CHLSN: variants seen among roughly 807,000 people sequenced by gnomAD.
CHLSN encodes the protein cholesin.
the CHLSN span, among the ~76,000 whole-genome samples, chr7:1,100,141 A>G: frequency 2.6e-5 from 4 of 152,184 alleles, no homozygotes; most frequent in Admixed American, 2.6e-4. Context: ...AATGCTATAC[A>G]TGCCACTTGC....
chr7:1,091,689 A>G, the CHLSN span: 23 of 1,400,178 alleles, frequency 1.6e-5, no homozygotes, highest in South Asian at 2.9e-4. Flanking sequence ...GAGCTCTGGG[A>G]GCCTTTCGGC....
At chr7:1,054,667 C>T in the CHLSN span, among the ~76,000 whole-genome samples, 2 of 152,320 alleles carry the variant, frequency 1.3e-5, no homozygotes, top group African/African-American at 4.8e-5. Flanking sequence ...CTCTCTGACT[C>T]CCTGCAAGGA....
chr7:1,057,035 G>A, the CHLSN span, among the ~76,000 whole-genome samples: 4 of 152,150 alleles, frequency 2.6e-5, no homozygotes, highest in African/African-American at 4.8e-5. Flanking sequence ...CCAAGGCACC[G>A]GGTCCTGAGC....
the CHLSN span, chr7:1,026,722 G>A: frequency 2.0e-5 from 3 of 152,208 alleles, no homozygotes; most frequent in Admixed American, 6.5e-5. Context: ...CTCAGTTGCT[G>A]CCGCTCCAGC....
At chr7:1,088,426 C>A in the CHLSN span, 1 of 152,308 alleles carries the variant, frequency 6.6e-6, no homozygotes. This position sits in a 1 kb window ranked among gnomAD's most constrained non-coding sequence, Gnocchi z 4.5. Context: ...TGAACACAGA[C>A]CAGACACCTC....
the CHLSN span, among the ~76,000 whole-genome samples, chr7:1,060,865 T>C: frequency 1.3e-5 from 2 of 152,190 alleles, no homozygotes; most frequent in East Asian, 3.9e-4. Flanking sequence ...GCGGAAACCC[T>C]GGCATCCGAT....
chr7:1,135,183 C>T, the CHLSN span, among the ~76,000 whole-genome samples: 48 of 152,268 alleles, frequency 3.2e-4, no homozygotes, highest in African/African-American at 1.1e-3. Context: ...AGGCTTAGTG[C>T]TCAGCCTCCT....
chr7:1,073,408 G>GCTCCCGC, the CHLSN span, among the ~76,000 whole-genome samples: 1 of 152,110 alleles, frequency 6.6e-6, no homozygotes, highest in South Asian at 2.1e-4. Context: ...CCCCAGCTGA[G>GCTCCCGC]CTCCCGCCGC....
At chr7:1,119,343 G>A in the CHLSN span, among the ~76,000 whole-genome samples, 2 of 152,230 alleles carry the variant, frequency 1.3e-5, no homozygotes, top group African/African-American at 4.8e-5. Flanking sequence ...CCAGCACTTT[G>A]AGAGGCCAAG....
chr7:1,100,657 G>A, the CHLSN span, among the ~76,000 whole-genome samples: 3 of 152,116 alleles, frequency 2.0e-5, no homozygotes, highest in Admixed American at 6.5e-5. Context: ...CAGCTCTAGC[G>A]GAAACAAAGT....
chr7:1,086,723 C>G, the CHLSN span: 3 of 153,660 alleles, frequency 2.0e-5, no homozygotes, highest in African/African-American at 7.2e-5. Context: ...CCCCAGTCCT[C>G]TGCCTGCACC....
chr7:1,055,418 C>T, the CHLSN span: 14 of 468,400 alleles, frequency 3.0e-5, no homozygotes, highest in South Asian at 4.6e-5. Flanking sequence ...ACCTCTGTCC[C>T]GCCATGCTGC....
At chr7:1,105,759 C>T in the CHLSN span, among the ~76,000 whole-genome samples, 1 of 152,308 alleles carries the variant, frequency 6.6e-6, no homozygotes, top group Non-Finnish European at 1.5e-5. Context: ...AGATTACAGG[C>T]ACACGCCACG....
chr7:1,070,883 TGCACACACGTGCACACACATGCAC>T, the CHLSN span, among the ~76,000 whole-genome samples: 1 of 130,502 alleles, frequency 7.7e-6, no homozygotes, highest in African/African-American at 3.1e-5. Context: ...CACGTGCACA[TGCACACACGTGCACACACATGCAC>T]GCACACACAC....
the CHLSN span, among the ~76,000 whole-genome samples, chr7:1,036,964 A>T: frequency 6.8e-6 from 1 of 147,320 alleles, no homozygotes; most frequent in Admixed American, 6.8e-5. Flanking sequence ...AAAAAAAATT[A>T]GCCAGGCGTG....
chr7:1,002,371 T>C, the CHLSN span, among the ~76,000 whole-genome samples: 4 of 83,980 alleles, frequency 4.8e-5, no homozygotes, highest in Non-Finnish European at 6.9e-5. Context: ...GTGAATGGAG[T>C]CCTGTGGGTG....
At chr7:988,147 C>A in the CHLSN span, 2 of 1,161,824 alleles carry the variant, frequency 1.7e-6, no homozygotes, top group Non-Finnish European at 1.2e-6. Context: ...GGGTGCCTCA[C>A]CTGCAAGGTG....
At chr7:1,082,251 G>C in the CHLSN span, 6 of 152,268 alleles carry the variant, frequency 3.9e-5, no homozygotes, top group African/African-American at 1.4e-4. Context: ...ATCACTGTCG[G>C]GTGCAGGTGG....
chr7:1,135,903 A>G, the CHLSN span, among the ~76,000 whole-genome samples: 2 of 130,846 alleles, frequency 1.5e-5, no homozygotes, highest in Non-Finnish European at 3.1e-5. Flanking sequence ...ATATAAGTAT[A>G]TATAAAAATA....
Sources: allele counts gnomAD v4.1 joint callset (sites outside exome capture counted in the v4.1 genomes callset), GRCh38; gene constraint gnomAD v4.1.1; non-coding constraint Gnocchi (gnomAD v3.1); transcripts MANE v1.5; gene names NCBI Gene and HGNC (gene_info 2026-07-23, HGNC 2026-07-21).